Variants in ROBO1 observed in about 807,000 individuals in gnomAD.
ROBO1 encodes the protein roundabout homolog 1.
Under a neutral mutation model 195.9 loss-of-function variants are expected in ROBO1, and 149 were observed. That is an observed-to-expected ratio of 0.76 (90% CI 0.67 to 0.87). ROBO1 has a LOEUF of 0.87. ROBO1 is among the 40% of genes least tolerant of loss of function. The pLI is 0.00. For synonymous variants in ROBO1, 816 were observed against 733.2 expected (o/e 1.11, Z -1.82); for missense variants, 1,933 against 2,068.3 (o/e 0.93, Z 1.27).
chr3:78,738,357 G>A (rs181269401), intron 5 of ROBO1, among the ~76,000 whole-genome samples: 12 of 152,104 alleles, frequency 7.9e-5, no homozygotes, highest in Admixed American at 2.6e-4. Flanking sequence ...ATTTTACCTC[G>A]TCAGCATGGG....
intron 1 of ROBO1, among the ~76,000 whole-genome samples, chr3:79,698,417 T>A (rs889101624): frequency 2.6e-5 from 4 of 151,504 alleles, no homozygotes; most frequent in Non-Finnish European, 3.0e-5. Context: ...GGTAAATGGA[T>A]AGATGAAGTA....
chr3:79,591,809 G>A (rs1944007990), intron 1 of ROBO1, among the ~76,000 whole-genome samples: 1 of 151,602 alleles, frequency 6.6e-6, no homozygotes, highest in Non-Finnish European at 1.5e-5. Flanking sequence ...TGCTTGGCTG[G>A]CTTTTGATAT....
intron 2 of ROBO1, among the ~76,000 whole-genome samples, chr3:79,379,536 T>C (rs932675170): frequency 3.9e-5 from 6 of 152,180 alleles, no homozygotes; most frequent in Non-Finnish European, 8.8e-5. Flanking sequence ...GATACTTCAA[T>C]TGGATCACGT....
At chr3:79,308,241 C>G (rs1365151989) in intron 2 of ROBO1, among the ~76,000 whole-genome samples, 1 of 152,034 alleles carries the variant, frequency 6.6e-6, no homozygotes, top group South Asian at 2.1e-4. Flanking sequence ...TAAAGAGCAT[C>G]GTACTAAGAA....
At chr3:79,215,942 T>C (rs1293221579) in intron 2 of ROBO1, among the ~76,000 whole-genome samples, 1 of 152,088 alleles carries the variant, frequency 6.6e-6, no homozygotes, top group African/African-American at 2.4e-5. Context: ...GTTTTGGATG[T>C]TAAGGGAAAA....
intron 2 of ROBO1, among the ~76,000 whole-genome samples, chr3:79,239,299 T>C (rs1284702213): frequency 2.6e-5 from 4 of 152,164 alleles, no homozygotes. Flanking sequence ...GTAAAAGTTA[T>C]AAAACAAATT....
At chr3:79,619,312 T>G (rs188482648) in intron 1 of ROBO1, among the ~76,000 whole-genome samples, 73 of 152,232 alleles carry the variant, frequency 4.8e-4, no homozygotes, top group African/African-American at 1.8e-3. Context: ...CCTCCCTCAC[T>G]ATGGGCAATC....
At chr3:78,679,060 A>G (rs904857633) in intron 10 of ROBO1, among the ~76,000 whole-genome samples, 2 of 152,200 alleles carry the variant, frequency 1.3e-5, no homozygotes, top group African/African-American at 4.8e-5. Flanking sequence ...TATAAACAGA[A>G]CCAAAGACAA....
intron 2 of ROBO1, among the ~76,000 whole-genome samples, chr3:79,242,739 A>G (rs919129636): frequency 6.6e-6 from 1 of 152,158 alleles, no homozygotes; most frequent in African/African-American, 2.4e-5. Context: ...CTATAAAAAA[A>G]GTCTGCTCTG....
intron 3 of ROBO1, among the ~76,000 whole-genome samples, chr3:79,063,210 C>G (rs1452348606): frequency 6.6e-6 from 1 of 151,844 alleles, no homozygotes; most frequent in African/African-American, 2.4e-5. Flanking sequence ...GCCATATTTG[C>G]CCCTTGAGGT....
intron 2 of ROBO1, among the ~76,000 whole-genome samples, chr3:79,578,524 T>G (rs1238349932): frequency 4.6e-5 from 7 of 152,298 alleles, no homozygotes; most frequent in Middle Eastern, 3.4e-3. Context: ...TAATTATGTT[T>G]TATTACAGTT....
chr3:78,614,090 C>T (rs1703968077), intron 28 of ROBO1, among the ~76,000 whole-genome samples: 1 of 152,168 alleles, frequency 6.6e-6, no homozygotes, highest in South Asian at 2.1e-4. Flanking sequence ...ACACTGTTTG[C>T]ATTTTCCTCC....
At chr3:78,790,304 T>A (rs528318408) in intron 4 of ROBO1, among the ~76,000 whole-genome samples, 4 of 152,260 alleles carry the variant, frequency 2.6e-5, no homozygotes, top group Non-Finnish European at 5.9e-5. Context: ...TCCATTGCTT[T>A]CATTATTTTT....
chr3:79,292,748 C>T (rs150894894), intron 2 of ROBO1, among the ~76,000 whole-genome samples: 1 of 152,148 alleles, frequency 6.6e-6, no homozygotes, highest in African/African-American at 2.4e-5. Flanking sequence ...GGTGGATAAG[C>T]TTGTTGATGT....
chr3:79,250,543 T>C (rs2082708513), intron 2 of ROBO1, among the ~76,000 whole-genome samples: 1 of 151,842 alleles, frequency 6.6e-6, no homozygotes, highest in African/African-American at 2.4e-5. Flanking sequence ...GGCTGTACGT[T>C]TGAAAATTTA....
chr3:79,575,212 TATATATATATAACAAATATATATAA>T (rs1943426151), intron 2 of ROBO1, among the ~76,000 whole-genome samples: 1 of 55,276 alleles, frequency 1.8e-5, no homozygotes, highest in Admixed American at 1.9e-4. Flanking sequence ...ATATAACAGA[TATATATATATAACAAATATATATAA>T]ATATATATAA....
At chr3:79,141,168 G>C (rs1305123659) in intron 2 of ROBO1, among the ~76,000 whole-genome samples, 3 of 152,036 alleles carry the variant, frequency 2.0e-5, no homozygotes, top group African/African-American at 7.2e-5. Context: ...GGTGGTGGGG[G>C]ACATCTGAAG....
At chr3:79,541,498 G>A (rs78745523) in intron 2 of ROBO1, among the ~76,000 whole-genome samples, 11,985 of 152,132 alleles carry the variant, frequency 0.079, 646 homozygotes, top group Non-Finnish European at 0.12. Flanking sequence ...GAGAGAGACA[G>A]TATTTCTTTA....
At chr3:79,535,799 C>T (rs867593294) in intron 2 of ROBO1, among the ~76,000 whole-genome samples, 1 of 152,062 alleles carries the variant, frequency 6.6e-6, no homozygotes. Context: ...AGTTACGAGA[C>T]CAGAGAAGCA....
Sources: gnomAD v4.1 joint callset for allele counts (sites outside exome capture counted in the v4.1 genomes callset) on GRCh38, gnomAD v4.1.1 for gene constraint, MANE v1.5 for transcripts, NCBI Gene and HGNC (gene_info 2026-07-23, HGNC 2026-07-21) for gene names.